TGFB2: variants seen among roughly 807,000 people sequenced by gnomAD.
The protein encoded by TGFB2 is transforming growth factor beta 2, also known as transforming growth factor beta-2 proprotein.
Under a neutral mutation model 42.7 loss-of-function variants are expected in TGFB2, and 13 were observed. That is an observed-to-expected ratio of 0.30 (90% CI 0.20 to 0.48). The LOEUF is 0.48. Among genes scored for constraint, TGFB2 ranks in the 20% least tolerant of loss-of-function variants. TGFB2 has a pLI of 0.99. For missense variants in TGFB2, 390 were observed against 517.5 expected (o/e 0.75, Z 2.39); for synonymous variants, 193 against 193.6 (o/e 1.00, Z 0.03).
intron 1 of TGFB2, among the ~76,000 whole-genome samples, chr1:218,353,635 G>C (rs144503528): frequency 1.3e-5 from 2 of 152,156 alleles, no homozygotes; most frequent in Non-Finnish European, 2.9e-5. Context: ...GGTGGCCCAC[G>C]CCTATAATCT....
chr1:218,363,424 A>G (rs1195279716), intron 1 of TGFB2: 1 of 1,612,034 alleles, frequency 6.2e-7, no homozygotes, highest in South Asian at 1.1e-5. Flanking sequence ...CTTGGTGAGT[A>G]CACTTGTCTG....
intron 1 of TGFB2, among the ~76,000 whole-genome samples, chr1:218,350,185 A>G (rs1656825471): frequency 6.6e-6 from 1 of 152,248 alleles, no homozygotes. Context: ...AGAGAGTCCG[A>G]CAATCAAAAA....
chr1:218,413,592 GTACAGATGGTCC>G (rs371629109), intron 2 of TGFB2, among the ~76,000 whole-genome samples: 13 of 152,218 alleles, frequency 8.5e-5, no homozygotes, highest in Admixed American at 2.6e-4. Context: ...GCAAGTGAAA[GTACAGATGGTCC>G]CCTATTTAAG....
Position 218,423,658 on chromosome 1 carries a change from G to A in TGFB2, c.511-10424G>A, listed in dbSNP as rs188698243. ...GATTAGGCTTCTAGGGATGAAAGGCGCGTGTGAGATGATAGGTTGGTGGCC... is the reference window on the plus strand; with the variant it reads ...GATTAGGCTTCTAGGGATGAAAGGCACGTGTGAGATGATAGGTTGGTGGCC... On this transcript the variant is annotated intron_variant, in intron 2 of 6. Transcript: ENST00000366930. 3.5e-4 allele frequency among the ~76,000 whole-genome samples: 54 copies of A among 152,262 alleles called. 1 individual carries two copies. Among genetic ancestry groups the A allele is most frequent in the African/African-American group, 1.2e-3 (50 of 41,550 alleles).
intron 2 of TGFB2, among the ~76,000 whole-genome samples, chr1:218,425,623 G>A (rs1359415465): frequency 1.3e-5 from 2 of 152,154 alleles, no homozygotes; most frequent in Non-Finnish European, 2.9e-5. Context: ...AACTACAATG[G>A]TTGTACAAAT....
intron 1 of TGFB2, among the ~76,000 whole-genome samples, chr1:218,347,963 T>A (rs901287433): frequency 2.0e-5 from 3 of 151,088 alleles, no homozygotes; most frequent in African/African-American, 4.9e-5. Context: ...CTGGCTTCTC[T>A]GAGAACAGTG....
At chr1:218,433,978 G>C (rs2102626173) in intron 2 of TGFB2, 104 bp from the exon 3 acceptor site, 1 of 1,435,826 alleles carries the variant, frequency 7.0e-7, no homozygotes, top group East Asian at 2.3e-5. Context: ...TACTACAGTA[G>C]AGCTAAATTT....
At chr1:218,405,545 T>C (rs1212438028) in intron 2 of TGFB2, 8 of 751,778 alleles carry the variant, frequency 1.1e-5, no homozygotes, top group Non-Finnish European at 1.7e-5. Context: ...TTTAAAAAAC[T>C]TTTTTTAGAT....
rs557006478 is a variant in TGFB2, at chr1:218,363,038, G to A, written c.346+15991G>A. Among the ~76,000 whole-genome samples the A allele has an allele frequency of 9.9e-5, 15 of 152,148 alleles. 1 individual carries two copies. The East Asian group carries it at 2.5e-3, about 25-fold the overall frequency. Reference sequence around the variant, plus strand: ...TATAAATCAAGGTATTTATTTTACCGTTTCAGTATGTAAATTGTACTCTGT... The same window carrying A: ...TATAAATCAAGGTATTTATTTTACCATTTCAGTATGTAAATTGTACTCTGT... On this transcript the variant is annotated intron_variant, in intron 1 of 6. Transcript: ENST00000366930.
At chr1:218,370,319 A>C (rs1657530102) in intron 1 of TGFB2, among the ~76,000 whole-genome samples, 1 of 152,126 alleles carries the variant, frequency 6.6e-6, no homozygotes, top group Non-Finnish European at 1.5e-5. Context: ...TTCTGGAAGG[A>C]GATTTGCCCC....
intron 2 of TGFB2, among the ~76,000 whole-genome samples, chr1:218,408,027 A>G (rs1036006659): frequency 6.6e-6 from 1 of 152,212 alleles, no homozygotes; most frequent in Non-Finnish European, 1.5e-5. Flanking sequence ...TTACCAATTA[A>G]ATCACCCTTA....
intron 1 of TGFB2, among the ~76,000 whole-genome samples, chr1:218,352,471 A>G (rs1043044484): frequency 1.3e-5 from 2 of 152,188 alleles, no homozygotes; most frequent in African/African-American, 2.4e-5. Flanking sequence ...TGGGAATTCA[A>G]CGTTCTCCAG....
chr1:218,435,844 G>A lies in TGFB2; in HGVS notation c.755-126G>A, dbSNP rs144579356. ...TCTATTTCCATGGGGAATAACTGTT[G>A]CCAGCTGATGCTGCTTTGGTGGTCA... is the stretch of plus-strand genomic sequence containing the variant. On this transcript the variant is annotated intron_variant, in intron 4 of 6. Coordinates refer to ENST00000366930, the MANE Select transcript of TGFB2 (RefSeq NM_003238.6). 29 of 918,834 alleles carry A rather than the reference G, an allele frequency of 3.2e-5. No homozygotes were observed. In the African/African-American group the frequency reaches 4.5e-4, roughly 14 times the overall value. 56.9% of individuals were successfully genotyped at this position (918,834 alleles called of 1,614,324 possible).
rs1316254054 is a variant in TGFB2 at position 218,441,368 on chromosome 1, T to C, written c.*6T>C. On this transcript the variant is annotated 3_prime_UTR_variant, in exon 7 of 7. Coordinates refer to ENST00000366930, the MANE Select transcript of TGFB2 (RefSeq NM_003238.6). ...AGTCTTGCAAATGCAGCTAAAATTC[T>C]TGGAAAAGTGGCAAGACCAAAATGA... is the stretch of plus-strand genomic sequence containing the variant. The C allele has an allele frequency of 6.3e-7, 1 of 1,597,210 alleles. No homozygotes were observed. Among genetic ancestry groups the C allele is most frequent in the East Asian group, 2.2e-5 (1 of 44,708 alleles).
Position 218,441,557 on chromosome 1 carries a change from A to G in TGFB2, c.*195A>G, listed in dbSNP as rs751637464. ...GTTTGTTAAAACTGGCATCTGACAC[A>G]AAAAAAGTTGAAGGCCTTATTCTAC... On this transcript the variant is annotated 3_prime_UTR_variant, in exon 7 of 7. Coordinates refer to ENST00000366930, the MANE Select transcript of TGFB2 (RefSeq NM_003238.6). 5 of 480,548 alleles carry G rather than the reference A, an allele frequency of 1.0e-5. No individual in the cohort carries two copies. In the Admixed American group the frequency reaches 1.2e-4, roughly 12 times the overall value. 29.8% of individuals were successfully genotyped at this position (480,548 alleles called of 1,614,324 possible).
At chr1:218,363,714 A>G (rs1392691349) in intron 1 of TGFB2, among the ~76,000 whole-genome samples, 2 of 152,136 alleles carry the variant, frequency 1.3e-5, no homozygotes, top group Non-Finnish European at 2.9e-5. Flanking sequence ...ACCTTTCCTG[A>G]TCCCCATGGA....
chr1:218,417,505 T>G (rs1180042379), intron 2 of TGFB2, among the ~76,000 whole-genome samples: 1 of 152,194 alleles, frequency 6.6e-6, no homozygotes, highest in Non-Finnish European at 1.5e-5. Flanking sequence ...TTTGGAAAAT[T>G]TGCAGCCTGA....
intron 1 of TGFB2, among the ~76,000 whole-genome samples, chr1:218,381,237 C>T (rs575997077): frequency 6.6e-6 from 1 of 150,730 alleles, no homozygotes; most frequent in Admixed American, 6.7e-5. Flanking sequence ...TTGCCAAAGG[C>T]ACATTTTTGT....
intron 1 of TGFB2, among the ~76,000 whole-genome samples, chr1:218,360,448 T>C (rs1452575350): frequency 6.6e-6 from 1 of 152,214 alleles, no homozygotes; most frequent in African/African-American, 2.4e-5. Flanking sequence ...GCCTGCGTTC[T>C]TCTAAAAATA....
Sources: allele counts gnomAD v4.1 joint callset (sites outside exome capture counted in the v4.1 genomes callset), GRCh38; gene constraint gnomAD v4.1.1; transcripts MANE v1.5; gene names NCBI Gene and HGNC (gene_info 2026-07-23, HGNC 2026-07-21).